MUC6: variants seen among roughly 807,000 people sequenced by gnomAD.
MUC6 encodes mucin 6, oligomeric mucus/gel-forming (gene/pseudogene).
Under a neutral mutation model 201.5 loss-of-function variants are expected in MUC6, and 188 were observed. The ratio of observed to expected loss-of-function variants is 0.93; its 90% CI spans 0.83 to 1.05. The LOEUF (loss-of-function observed/expected upper bound fraction) is 1.05. Ranked by LOEUF, MUC6 falls within the 50% of genes least tolerant of loss-of-function variation. MUC6 has a pLI of 0.00. For missense variants in MUC6, 2,706 were observed against 3,256.9 expected (o/e 0.83, Z 4.12); for synonymous variants, 1,228 against 1,389.4 (o/e 0.88, Z 2.58).
Position 1,016,409 on chromosome 11 carries a change from A to C in MUC6, c.6392T>G (p.Phe2131Cys). 6.2e-7 allele frequency: 1 copy of C among 1,613,642 alleles called. No homozygotes were observed. The highest frequency in any genetic ancestry group is 2.2e-5 in the East Asian group (1 of 44,882). Residue 2131 changes from phenylalanine to cysteine, a missense_variant, in exon 31 of 33, where the codon TTT (phenylalanine) becomes TGT (cysteine). Phe to Cys is a radical substitution (Grantham distance 205). Transcript: ENST00000421673. ...AGAGGGGGCAGAAGGACTGGGAGAA[A>C]ATGAGGAGGACAGCTGATTAGTTGT... Reference protein sequence around the residue: ...VSTTNQLSSSFSPSPSAPSTV... With the variant: ...VSTTNQLSSSCSPSPSAPSTV...
At position 1,027,141 on chromosome 11, in the gene MUC6, C is replaced by G; in HGVS notation, c.2284G>C (p.Ala762Pro). ...CTGCGGCCAGCGCTGCTGTACGTACCCAGGAACATCTGTGGCCGCTGCGGG... is the reference window on the plus strand; with the variant it reads ...CTGCGGCCAGCGCTGCTGTACGTACGCAGGAACATCTGTGGCCGCTGCGGG... The part of the protein sequence containing the change: ...SCPQRPQMFL[A>P]SCQAPKTFKS... The change falls in exon 18 of 33, where the codon GCC becomes CCC. Residue 762 changes from alanine to proline, a missense_variant and splice_region_variant. Around this residue, in one of 10 missense-constraint regions of MUC6, gnomAD observed 1,850 missense variants for 1,958.3 expected, o/e 0.94. Transcript: ENST00000421673. The G allele has an allele frequency of 6.2e-7, 1 of 1,612,466 alleles. No homozygotes were observed. Among genetic ancestry groups the G allele is most frequent in the East Asian group, 2.2e-5 (1 of 44,850 alleles).
In MUC6 at chr11:1,027,153, G is replaced by C; in HGVS notation, c.2272C>G (p.Gln758Glu). The change falls in exon 18 of 33, where the codon CAG becomes GAG. Residue 758 changes from glutamine (Q) to glutamate (E), a missense_variant. Physicochemically the swap from Gln to Glu is conservative, Grantham distance 29. Transcript: ENST00000421673. ...NGRLSCPQRP[Q>E]MFLASCQAPK... ...CTGCTGTACGTACCCAGGAACATCT[G>C]TGGCCGCTGCGGGCAACTCAGCCGC... The C allele has an allele frequency of 6.2e-7, 1 of 1,612,532 alleles. No homozygotes were observed. Among genetic ancestry groups the C allele is most frequent in the Non-Finnish European group, 8.5e-7 (1 of 1,179,810 alleles).
rs746423681 is a variant in MUC6 at position 1,025,864 on chromosome 11, T to C, written c.2740A>G (p.Asn914Asp). ...ACCCCGGAGTTCCCACAGATGACGT[T>C]CTCTGTCAGGATCTTGAAGGTGGGC... ...SQPTFKILTE[N>D]VICGNSGVTC... is the part of the protein sequence containing the mutation. The change falls in exon 22 of 33, where the codon AAC becomes GAC. Residue 914 changes from asparagine to aspartate, a missense_variant. By Grantham distance (23) the Asn-to-Asp change is conservative. Transcript: ENST00000421673. 8 of 1,612,796 alleles carry C rather than the reference T, an allele frequency of 5.0e-6. No individual in the cohort carries two copies. In the African/African-American group the frequency reaches 8.0e-5, roughly 16 times the overall value.
chr11:1,027,999 C>T lies in MUC6; in HGVS notation c.1814G>A (p.Cys605Tyr). ...GGGTGCAGGGTTCACTGTGGCGTGG[C>T]ACCTCTCGAACACCGTGCCTGTCCT... ...LLRTGTVFER[C>Y]HATVNPAPFY... Residue 605 changes from cysteine (C) to tyrosine (Y), a missense_variant, in exon 15 of 33, where the codon TGC (cysteine) becomes TAC (tyrosine). Physicochemically the swap from Cys to Tyr is radical, Grantham distance 194. Around this residue, in one of 10 missense-constraint regions of MUC6, gnomAD observed 1,850 missense variants for 1,958.3 expected, o/e 0.94. Coordinates refer to ENST00000421673, the MANE Select transcript of MUC6 (RefSeq NM_005961.3). The T allele has an allele frequency of 1.3e-6, 2 of 1,586,084 alleles. No individual in the cohort carries two copies. The highest frequency in any genetic ancestry group is 8.6e-7 in the Non-Finnish European group (1 of 1,166,634).
In MUC6 at chr11:1,024,104, C is replaced by T; in HGVS notation, c.3226-1G>A. On this transcript the variant is annotated splice_acceptor_variant, in intron 24 of 32. Transcript: ENST00000421673. LOFTEE classifies it high-confidence loss of function. ...CCTCGTAGTAGGGCAGGTGGTATAC[C>T]TGCAGGGGTGTGTGCCAGTCAGTGT... 1.9e-6 allele frequency: 3 copies of T among 1,611,802 alleles called. No homozygotes were observed. The highest frequency in any genetic ancestry group is 2.5e-6 in the Non-Finnish European group (3 of 1,179,590).
rs756335837 is a variant in MUC6, at chr11:1,031,003, C to A, written c.628G>T (p.Gly210Cys). ...ATGTCCTGGAAGGTGCAGATCTCGCCGGGGTCGTCCAGCTTCTGGAGGGCA... is the reference window on the plus strand; with the variant it reads ...ATGTCCTGGAAGGTGCAGATCTCGCAGGGGTCGTCCAGCTTCTGGAGGGCA... ...FAALQKLDDP[G>C]EICTFQDIPS... Residue 210 changes from glycine (G) to cysteine (C), a missense_variant, in exon 6 of 33, where the codon GGC becomes TGC. Transcript: ENST00000421673. 17 of 1,545,112 alleles carry A rather than the reference C, an allele frequency of 1.1e-5. No homozygotes were observed. The highest frequency in any genetic ancestry group is 3.0e-5 in the African/African-American group (2 of 67,486).
chr11:1,026,232 GC>G lies in MUC6; in HGVS notation c.2547-92del, dbSNP rs1011549020. ...GAGAGGCCAGACTGCACCTCTGGAC[GC>G]CCCCGCCTCTGGGACAGCCCCACCC... On this transcript the variant is annotated intron_variant, in intron 20 of 32. Transcript: ENST00000421673. 4 of 1,511,242 alleles carry G rather than the reference GC, an allele frequency of 2.6e-6. No individual in the cohort carries two copies. The African/African-American group carries it at 5.5e-5, about 21-fold the overall frequency. The allele number at this position is 1,511,242 out of a possible 1,614,324, so 93.6% of individuals were successfully genotyped here.
At position 1,027,010 on chromosome 11, in the gene MUC6, C is replaced by T. The variant is rs773656332; in HGVS notation, c.2325G>A (p.Gln775=). Residue 775 remains glutamine, a synonymous_variant, in exon 19 of 33, where the codon CAG becomes CAA. Transcript: ENST00000421673. ...QAPKTFKSCS[Q]SSENKFGAAC... ...CTGCCCCAAACTTGTTCTCGGAGGA[C>T]TGGCTGCAGGACTTGAAGGTCTTAG... 12 of 1,602,902 alleles carry T rather than the reference C, an allele frequency of 7.5e-6. No homozygotes were observed. In the South Asian group the frequency reaches 1.3e-4, roughly 18 times the overall value.
At chr11:1,035,495 G>A (rs1436085485) in intron 1 of MUC6, among the ~76,000 whole-genome samples, 6 of 151,140 alleles carry the variant, frequency 4.0e-5, no homozygotes, top group Non-Finnish European at 8.9e-5. Flanking sequence ...GGTGCCCGGC[G>A]TGGTAGGGAG....
chr11:1,024,004 C>T lies in MUC6; in HGVS notation c.3325G>A (p.Ala1109Thr), dbSNP rs753797787. Residue 1109 changes from alanine to threonine, a missense_variant, in exon 25 of 33, where the codon GCC becomes ACC. Around this residue, in one of 10 missense-constraint regions of MUC6, gnomAD observed 1,850 missense variants for 1,958.3 expected, o/e 0.94. Transcript: ENST00000421673. ...ECLCDAVAAY[A>T]QACLDKGVCV... Reference sequence around the variant, plus strand: ...ACACCCTTGTCCAGACAGGCTTGGGCGTAGGCAGCCACGGCATCGCACAGA... The same window carrying T: ...ACACCCTTGTCCAGACAGGCTTGGGTGTAGGCAGCCACGGCATCGCACAGA... 11 of 1,611,990 alleles carry T rather than the reference C, an allele frequency of 6.8e-6. No homozygotes were observed. Among genetic ancestry groups the T allele is most frequent in the East Asian group, 2.2e-5 (1 of 44,866 alleles).
chr11:1,032,367 G>GGT (rs778019055), intron 2 of MUC6, among the ~76,000 whole-genome samples: 1 of 152,050 alleles, frequency 6.6e-6, no homozygotes, highest in South Asian at 2.1e-4. Context: ...GTGCATTGTG[G>GGT]GTGTGTGTGT....
intron 30 of MUC6, 126 bp from the exon 31 acceptor site, chr11:1,018,896 C>G: frequency 7.8e-7 from 1 of 1,278,474 alleles, no homozygotes. Context: ...TGTGACATGG[C>G]CCCTGCTGGG....
rs760479876 is a variant in MUC6 at position 1,025,982 on chromosome 11, C to T, written c.2688+18G>A. The T allele has an allele frequency of 1.9e-6, 3 of 1,588,430 alleles. No individual in the cohort carries two copies. On this transcript the variant is annotated intron_variant, in intron 21 of 32. Transcript: ENST00000421673. ...CCTCTGGGTCCCCGGCCCCTGCGGC[C>T]TGGCACCCGATGGTTACCGTGGCCA...
Position 1,029,084 on chromosome 11 carries a change from C to A in MUC6, c.1342G>T (p.Glu448Ter), listed in dbSNP as rs754152011. Residue 448 changes from glutamate (E) to a stop codon, truncating the protein, a stop_gained, in exon 11 of 33, where the codon GAG becomes TAG. Transcript: ENST00000421673. LOFTEE classifies it high-confidence loss of function. ...TAGACCACAGCCACCAGGGAGGTCT[C>A]GGAGTGTGAGACGCCGGACTTGTCG... ...VYDKSGVSHS[E>*]TSLVAVVYLS... The A allele has an allele frequency of 6.2e-7, 1 of 1,612,746 alleles. No individual in the cohort carries two copies. Among genetic ancestry groups the A allele is most frequent in the Non-Finnish European group, 8.5e-7 (1 of 1,179,820 alleles).
Position 1,028,523 on chromosome 11 carries a change from C to A in MUC6, c.1591+123G>T, listed in dbSNP as rs1195823224. The A allele has an allele frequency of 7.2e-6, 11 of 1,534,778 alleles. No homozygotes were observed. In the East Asian group the frequency reaches 2.7e-4, roughly 37 times the overall value. Reference sequence around the variant, plus strand: ...TGCGTGGGCCACACGTGCCTGTTACCCCTGGGGGCTCCCCGGACACAGAGG... The same window carrying A: ...TGCGTGGGCCACACGTGCCTGTTACACCTGGGGGCTCCCCGGACACAGAGG... On this transcript the variant is annotated intron_variant, in intron 13 of 32. Transcript: ENST00000421673.
chr11:1,024,813 C>A (rs1286724045), intron 24 of MUC6, 31 bp downstream of exon 24: 1 of 1,595,352 alleles, frequency 6.3e-7, no homozygotes, highest in South Asian at 1.1e-5. Flanking sequence ...TGTGGAGGGG[C>A]AGGCGCACAG....
Position 1,025,928 on chromosome 11 carries a change from G to A in MUC6, c.2689-13C>T. On this transcript the variant is annotated splice_polypyrimidine_tract_variant and intron_variant, in intron 21 of 32. Transcript: ENST00000421673. ...CACCACAGACGTCCTGCAGGGAGAGGGCGCTGAGGAGGAGCCCTGGAGGCC... is the reference window on the plus strand; with the variant it reads ...CACCACAGACGTCCTGCAGGGAGAGAGCGCTGAGGAGGAGCCCTGGAGGCC... 1 of 1,604,616 alleles carries A rather than the reference G, an allele frequency of 6.2e-7. No individual in the cohort carries two copies. Among genetic ancestry groups the A allele is most frequent in the South Asian group, 1.1e-5 (1 of 89,500 alleles).
intron 7 of MUC6, 60 bp from the exon 8 acceptor site, chr11:1,030,395 C>T: frequency 1.3e-6 from 2 of 1,506,928 alleles, no homozygotes; most frequent in East Asian, 2.5e-5. Flanking sequence ...CCCTGCCCCA[C>T]CCCAGCTTGA....
chr11:1,028,152 G>T (rs1857009914), intron 14 of MUC6, 74 bp downstream of exon 14: 1 of 1,534,700 alleles, frequency 6.5e-7, no homozygotes, highest in South Asian at 1.2e-5. Context: ...CTGGGCCTGT[G>T]GTCCAGTCCA....
Sources: gnomAD v4.1 joint callset for allele counts (sites outside exome capture counted in the v4.1 genomes callset) on GRCh38, gnomAD v4.1.1 for gene constraint, gnomAD v4.1.1 regional missense constraint, MANE v1.5 for transcripts, NCBI Gene and HGNC (gene_info 2026-07-23, HGNC 2026-07-21) for gene names.